Variants in ZC3H12B observed in about 807,000 individuals in gnomAD.
ZC3H12B encodes probable ribonuclease ZC3H12B.
ZC3H12B carries 7 observed loss-of-function variants against 43.9 expected under a neutral mutation model. The observed-to-expected ratio is 0.16, with a 90% confidence interval of 0.09 to 0.30. ZC3H12B has a LOEUF of 0.30. ZC3H12B is among the 10% of genes least tolerant of loss of function. The pLI is 1.00. For missense variants in ZC3H12B, 475 were observed against 670.2 expected (o/e 0.71, Z 3.22); for synonymous variants, 222 against 241.7 (o/e 0.92, Z 0.76).
intron 2 of ZC3H12B, among the ~76,000 whole-genome samples, chrX:65,385,469 G>A (rs775615716): frequency 2.7e-5 from 3 of 111,658 alleles, no homozygotes; most frequent in Non-Finnish European, 3.8e-5. Context: ...TTGGTGTATA[G>A]GAATACTTGT....
intron 3 of ZC3H12B, among the ~76,000 whole-genome samples, chrX:65,468,650 A>G (rs867550992): frequency 1.3e-5 from 1 of 74,938 alleles, no homozygotes. Context: ...TGCCCGGCTA[A>G]TTTTTTTTTT....
the ZC3H12B span, among the ~76,000 whole-genome samples, chrX:65,145,598 T>C: frequency 8.9e-6 from 1 of 112,061 alleles, no homozygotes. Context: ...CTGTGAGATT[T>C]ATGCTTTAAA....
chrX:65,168,077 A>G, the ZC3H12B span, among the ~76,000 whole-genome samples: 1 of 111,809 alleles, frequency 8.9e-6, no homozygotes, highest in Non-Finnish European at 1.9e-5. Flanking sequence ...ACTATGTTGA[A>G]TAGGAGTAGT....
At chrX:65,160,767 C>G in the ZC3H12B span, among the ~76,000 whole-genome samples, 1 of 111,236 alleles carries the variant, frequency 9.0e-6, no homozygotes, top group South Asian at 3.8e-4. Flanking sequence ...TCCTTCAGTT[C>G]TGCTCTGATT....
chrX:65,063,121 CT>C, the ZC3H12B span, among the ~76,000 whole-genome samples: 1 of 111,858 alleles, frequency 8.9e-6, no homozygotes, highest in Non-Finnish European at 1.9e-5. Context: ...CACAATCTGA[CT>C]TTTTTTCTTT....
At chrX:65,179,593 C>T in the ZC3H12B span, among the ~76,000 whole-genome samples, 1 of 109,840 alleles carries the variant, frequency 9.1e-6, no homozygotes, top group South Asian at 3.9e-4. Context: ...GATAGACCAC[C>T]AGCCAGACTA....
chrX:65,125,054 A>T, the ZC3H12B span, among the ~76,000 whole-genome samples: 3 of 108,839 alleles, frequency 2.8e-5, no homozygotes, highest in Admixed American at 9.8e-5. Flanking sequence ...TGTTTCTCCA[A>T]TTTTTTGAGG....
chrX:65,344,030 C>T, the ZC3H12B span, among the ~76,000 whole-genome samples: 4 of 111,924 alleles, frequency 3.6e-5, no homozygotes, highest in Non-Finnish European at 5.7e-5. Context: ...TTTTTATACA[C>T]CAATGACGGT....
intron 3 of ZC3H12B, among the ~76,000 whole-genome samples, chrX:65,435,382 T>G (rs2067207400): frequency 9.0e-6 from 1 of 111,693 alleles, no homozygotes; most frequent in African/African-American, 3.3e-5. Flanking sequence ...GTTTCTTGCC[T>G]CTTATAAGTG....
intron 3 of ZC3H12B, among the ~76,000 whole-genome samples, chrX:65,411,958 A>G (rs2148068484): frequency 9.0e-6 from 1 of 110,831 alleles, no homozygotes; most frequent in South Asian, 3.7e-4. Context: ...AAATAATAAT[A>G]CATATATAAT....
At chrX:65,295,587 C>CA in the ZC3H12B span, among the ~76,000 whole-genome samples, 9 of 109,246 alleles carry the variant, frequency 8.2e-5, no homozygotes, top group Non-Finnish European at 1.5e-4. Context: ...TTGAAACAAA[C>CA]AAAAAAAGGA....
At chrX:65,222,624 A>C in the ZC3H12B span, among the ~76,000 whole-genome samples, 1 of 101,604 alleles carries the variant, frequency 9.8e-6, no homozygotes, top group South Asian at 4.3e-4. Flanking sequence ...TAATAATAAT[A>C]ATAATAATAA....
At chrX:65,311,457 C>G in the ZC3H12B span, among the ~76,000 whole-genome samples, 5 of 111,883 alleles carry the variant, frequency 4.5e-5, no homozygotes, top group African/African-American at 1.3e-4. Flanking sequence ...CCATTTCACA[C>G]TGGTTAGAAT....
the ZC3H12B span, among the ~76,000 whole-genome samples, chrX:65,101,534 A>T: frequency 1.8e-5 from 2 of 111,929 alleles, no homozygotes; most frequent in Non-Finnish European, 3.8e-5. Flanking sequence ...AATCAAATAG[A>T]CACAATAAAA....
chrX:65,117,915 G>T, the ZC3H12B span, among the ~76,000 whole-genome samples: 95 of 110,764 alleles, frequency 8.6e-4, no homozygotes, highest in African/African-American at 3.0e-3. Flanking sequence ...TGTTCCATTG[G>T]TTTATATCTT....
At chrX:65,042,722 TA>T in the ZC3H12B span, among the ~76,000 whole-genome samples, 1 of 112,155 alleles carries the variant, frequency 8.9e-6, no homozygotes, top group Non-Finnish European at 1.9e-5. Flanking sequence ...TTGTACATAA[TA>T]AAGGTGTACT....
At chrX:65,352,926 C>A in the ZC3H12B span, among the ~76,000 whole-genome samples, 1 of 111,604 alleles carries the variant, frequency 9.0e-6, no homozygotes, top group Non-Finnish European at 1.9e-5. Flanking sequence ...TGGCTCACTG[C>A]AGCCTTGACC....
the ZC3H12B span, among the ~76,000 whole-genome samples, chrX:65,058,968 G>A: frequency 2.5e-4 from 28 of 112,090 alleles, no homozygotes; most frequent in Admixed American, 9.4e-4. Flanking sequence ...TCCAGGTGCC[G>A]TCTGTCATTG....
chrX:65,155,791 A>C, the ZC3H12B span, among the ~76,000 whole-genome samples: 1 of 110,823 alleles, frequency 9.0e-6, no homozygotes, highest in Non-Finnish European at 1.9e-5. Context: ...GCTTGGGAGT[A>C]CTAGGCTACA....
Sources: allele counts gnomAD v4.1 joint callset (sites outside exome capture counted in the v4.1 genomes callset), GRCh38; gene constraint gnomAD v4.1.1; transcripts MANE v1.5; gene names NCBI Gene and HGNC (gene_info 2026-07-23, HGNC 2026-07-21).